HAPLN2: variants seen among roughly 807,000 people sequenced by gnomAD.
HAPLN2 encodes hyaluronan and proteoglycan link protein 2.
Under a neutral mutation model 29.3 loss-of-function variants are expected in HAPLN2, and 27 were observed. That is an observed-to-expected ratio of 0.92 (90% CI 0.68 to 1.27). The LOEUF (loss-of-function observed/expected upper bound fraction) is 1.27, where lower values mean the gene tolerates loss of function less well. HAPLN2 is among the 50% of genes most tolerant of loss of function. The pLI is 0.00. For synonymous variants in HAPLN2, 208 were observed against 211.7 expected (o/e 0.98, Z 0.15); for missense variants, 454 against 484.3 (o/e 0.94, Z 0.59).
At chr1:156,624,524 G>A in intron 5 of HAPLN2, 57 bp downstream of exon 5, 1 of 1,604,288 alleles carries the variant, frequency 6.2e-7, no homozygotes, top group Non-Finnish European at 8.5e-7. Context: ...AGGGGCCCGA[G>A]AGAGGGCGCC....
Position 156,624,618 on chromosome 1 carries a change from G to C in HAPLN2, c.574G>C (p.Asp192His). Reference sequence around the variant, plus strand: ...CCCGCCAGCTTGGACCGAGGGTCTGGACTGGTGTAACGCGGGCTGGCTGCT... The same window carrying C: ...CCCGCCAGCTTGGACCGAGGGTCTGCACTGGTGTAACGCGGGCTGGCTGCT... Reference protein sequence around the residue: ...QLYQAWTEGLDWCNAGWLLEG... With the variant: ...QLYQAWTEGLHWCNAGWLLEG... The change falls in exon 6 of 7, where the codon GAC (aspartate) becomes CAC (histidine). Residue 192 changes from aspartate (D) to histidine (H), a missense_variant. Asp to His is a moderately conservative substitution (Grantham distance 81). Transcript: ENST00000255039. The C allele has an allele frequency of 1.2e-6, 2 of 1,612,896 alleles. No homozygotes were observed. Among genetic ancestry groups the C allele is most frequent in the Non-Finnish European group, 1.7e-6 (2 of 1,179,684 alleles).
Position 156,623,819 on chromosome 1 carries a change from G to A in HAPLN2, c.98G>A (p.Gly33Asp). ...KAQGDPASHP[G>D]PHYLLPPIHE... ...CCCCTCTGCCCAGCATCCCACCCGG[G>A]CCCCCACTACCTCCTGCCCCCCATC... The change falls in exon 4 of 7, where the codon GGC (glycine) becomes GAC (aspartate). Residue 33 changes from glycine (G) to aspartate (D), a missense_variant. By Grantham distance (94) the Gly-to-Asp change is moderately conservative. Transcript: ENST00000255039. The A allele has an allele frequency of 1.3e-6, 2 of 1,520,350 alleles. No homozygotes were observed. The highest frequency in any genetic ancestry group is 1.8e-6 in the Non-Finnish European group (2 of 1,135,556). The allele number at this position is 1,520,350 out of a possible 1,614,324, so 94.2% of individuals were successfully genotyped here. A position where few individuals can be genotyped will look rare whatever the true frequency, so the allele number is the denominator to read the frequency against.
upstream of HAPLN2, among the ~76,000 whole-genome samples, chr1:156,617,514 A>G (rs1211351745): frequency 1.3e-5 from 2 of 151,706 alleles, no homozygotes; most frequent in African/African-American, 2.4e-5. Context: ...ATGCCTGGCT[A>G]ATTTTTGTAT....
At chr1:156,610,484 A>C in the HAPLN2 span, among the ~76,000 whole-genome samples, 1 of 151,848 alleles carries the variant, frequency 6.6e-6, no homozygotes, top group East Asian at 1.9e-4. Flanking sequence ...CTAAAAATAC[A>C]AAAAAATTAG....
At chr1:156,624,954 C>T in intron 6 of HAPLN2, 147 bp from the exon 7 acceptor site, 1 of 1,115,884 alleles carries the variant, frequency 9.0e-7, no homozygotes, top group East Asian at 2.6e-5. Context: ...CAAACCCTCC[C>T]TGCACTTTTG....
chr1:156,604,289 A>G, the HAPLN2 span, among the ~76,000 whole-genome samples: 1 of 104,880 alleles, frequency 9.5e-6, no homozygotes, highest in Non-Finnish European at 1.9e-5. Context: ...GATGTTGAAG[A>G]ATTCTTTTTT....
upstream of HAPLN2, among the ~76,000 whole-genome samples, chr1:156,618,223 C>G (rs7527080): frequency 0.25 from 37,471 of 150,886 alleles, 4,872 homozygotes; most frequent in South Asian, 0.49. Flanking sequence ...ATGGCTTGAA[C>G]CCGGGAGGCA....
In HAPLN2 at chr1:156,624,845, G is replaced by A. The variant is rs1325641726; in HGVS notation, c.739+62G>A. ...GTCTGAAAAATGTGGGGGACGAGGAGTGGACCTCAGCTTGAGATCAGGGCA... is the reference window on the plus strand; with the variant it reads ...GTCTGAAAAATGTGGGGGACGAGGAATGGACCTCAGCTTGAGATCAGGGCA... On this transcript the variant is annotated intron_variant, in intron 6 of 6. Coordinates refer to ENST00000255039, the MANE Select transcript of HAPLN2 (RefSeq NM_021817.3). The A allele has an allele frequency of 4.9e-6, 7 of 1,434,706 alleles. No homozygotes were observed. In the African/African-American group the frequency reaches 7.2e-5, roughly 15 times the overall value. The allele number at this position is 1,434,706 out of a possible 1,614,324, so 88.9% of individuals were successfully genotyped here.
rs999646337 is a variant in HAPLN2 at position 156,619,515 on chromosome 1, C to T, written c.-186C>T. 2 of 152,262 alleles carry T rather than the reference C, an allele frequency of 1.3e-5. No homozygotes were observed. Among genetic ancestry groups the T allele is most frequent in the East Asian group, 1.9e-4 (1 of 5,196 alleles). The allele number at this position is 152,262 out of a possible 1,614,324, so 9.4% of individuals were successfully genotyped here. A position where few individuals can be genotyped will look rare whatever the true frequency, so the allele number is the denominator to read the frequency against. ...AGTCTGTTTGCAAAGGCAATGCGCA[C>T]TCAGGCACCAGAGGGCAGAGGTGAG... On this transcript the variant is annotated 5_prime_UTR_variant, in exon 1 of 7. Transcript: ENST00000255039.
chr1:156,605,276 A>G, the HAPLN2 span, among the ~76,000 whole-genome samples: 3 of 151,508 alleles, frequency 2.0e-5, no homozygotes, highest in African/African-American at 7.3e-5. Context: ...AAAAAGAAAA[A>G]AAAAGAGAGA....
chr1:156,610,412 C>T, the HAPLN2 span, among the ~76,000 whole-genome samples: 647 of 151,878 alleles, frequency 4.3e-3, 4 homozygotes, highest in African/African-American at 0.015. Flanking sequence ...CCAAGGCAGA[C>T]GGATCACCTG....
Position 156,623,904 on chromosome 1 carries a change from C to G in HAPLN2, c.183C>G (p.Thr61=), listed in dbSNP as rs1452470979. 4 of 1,599,562 alleles carry G rather than the reference C, an allele frequency of 2.5e-6. No homozygotes were observed. Among genetic ancestry groups the G allele is most frequent in the Non-Finnish European group, 3.4e-6 (4 of 1,173,118 alleles). Residue 61 remains threonine (T), a synonymous_variant, in exon 4 of 7, where the codon ACC becomes ACG. Coordinates refer to ENST00000255039, the MANE Select transcript of HAPLN2 (RefSeq NM_021817.3). ...ATATLPCVLG[T]TPPSYKVRWS... is the part of the protein sequence containing the mutation. ...CCACGCTGCCCTGCGTCCTGGGCAC[C>G]ACGCCTCCCAGCTACAAGGTGCGCT...
At chr1:156,610,653 G>A in the HAPLN2 span, among the ~76,000 whole-genome samples, 1 of 149,088 alleles carries the variant, frequency 6.7e-6, no homozygotes, top group Non-Finnish European at 1.5e-5. Flanking sequence ...AAAAAAAAAA[G>A]AAAAGAAAAA....
At chr1:156,624,182 C>G (rs1678359995) in intron 4 of HAPLN2, 22 bp downstream of exon 4, 1 of 1,603,698 alleles carries the variant, frequency 6.2e-7, no homozygotes, top group South Asian at 1.1e-5. Context: ...CCGCTCCCGC[C>G]CCATTCCTGT....
the HAPLN2 span, chr1:156,601,563 C>T: frequency 2.6e-5 from 30 of 1,145,484 alleles, no homozygotes; most frequent in South Asian, 3.6e-4. Context: ...GAAACCATTG[C>T]GGAGCCCAAT....
At chr1:156,610,455 T>C in the HAPLN2 span, among the ~76,000 whole-genome samples, 1 of 151,934 alleles carries the variant, frequency 6.6e-6, no homozygotes, top group Admixed American at 6.6e-5. Context: ...TTGACCAACA[T>C]GGAGAAACCC....
chr1:156,624,741 C>T lies in HAPLN2; in HGVS notation c.697C>T (p.Arg233Cys). Residue 233 changes from arginine (R) to cysteine (C), a missense_variant, in exon 6 of 7, where the codon CGC (arginine) becomes TGC (cysteine). By Grantham distance (180) the Arg-to-Cys change is radical. Around this residue, in one of 3 missense-constraint regions of HAPLN2, gnomAD observed 235 missense variants for 236.9 expected, o/e 0.99. Transcript: ENST00000255039. ...CAGCTACGGACCCCGCGACCGGATG[C>T]GCGACCGCTACGACGCCTTCTGCTT... ...IRSYGPRDRM[R>C]DRYDAFCFTS... 1.3e-6 allele frequency: 2 copies of T among 1,553,888 alleles called. No individual in the cohort carries two copies. Among genetic ancestry groups the T allele is most frequent in the East Asian group, 2.3e-5 (1 of 43,094 alleles).
the HAPLN2 span, among the ~76,000 whole-genome samples, chr1:156,611,156 G>A: frequency 2.6e-5 from 4 of 151,818 alleles, no homozygotes; most frequent in Admixed American, 6.6e-5. Context: ...GGTGGTACAC[G>A]CCTGTAATCC....
chr1:156,624,746 C>G lies in HAPLN2; in HGVS notation c.702C>G (p.Asp234Glu), dbSNP rs775709233. The G allele has an allele frequency of 1.3e-6, 2 of 1,549,328 alleles. No individual in the cohort carries two copies. Among genetic ancestry groups the G allele is most frequent in the Non-Finnish European group, 1.7e-6 (2 of 1,156,538 alleles). ...RSYGPRDRMRDRYDAFCFTSA... is the reference protein window; with the variant it reads ...RSYGPRDRMRERYDAFCFTSA... ...ACGGACCCCGCGACCGGATGCGCGA[C>G]CGCTACGACGCCTTCTGCTTCACCT... The change falls in exon 6 of 7, where the codon GAC becomes GAG. Residue 234 changes from aspartate (D) to glutamate (E), a missense_variant. Asp to Glu is a conservative substitution (Grantham distance 45). This residue lies in a region of HAPLN2 where 235 missense variants were observed against 236.9 expected (regional missense o/e 0.99). Transcript: ENST00000255039.
Sources: allele counts gnomAD v4.1 joint callset (sites outside exome capture counted in the v4.1 genomes callset), GRCh38; gene constraint gnomAD v4.1.1; regional missense constraint gnomAD v4.1.1; transcripts MANE v1.5; gene names NCBI Gene and HGNC (gene_info 2026-07-23, HGNC 2026-07-21).